DAB2IP: variants seen among roughly 807,000 people sequenced by gnomAD.
The protein encoded by DAB2IP is DAB2 interacting protein.
In DAB2IP, 28 loss-of-function variants were observed where a neutral mutation model predicts 107.2. The ratio of observed to expected loss-of-function variants is 0.26; its 90% CI spans 0.19 to 0.36. DAB2IP has a LOEUF of 0.36. DAB2IP is among the 10% of genes least tolerant of loss of function. DAB2IP has a pLI of 1.00. For missense variants in DAB2IP, 1,400 were observed against 1,644.7 expected (o/e 0.85, Z 2.57); for synonymous variants, 755 against 706.4 (o/e 1.07, Z -1.09).
At position 121,784,186 on chromosome 9, in the gene DAB2IP, C is replaced by T. The variant is rs181336670; in HGVS notation, c.*1688C>T. The T allele has an allele frequency of 2.5e-3, 393 of 155,608 alleles. 1 individual carries two copies. The highest frequency in any genetic ancestry group is 9.1e-3 in the African/African-American group (378 of 41,624). The allele number at this position is 155,608 out of a possible 1,614,324, so 9.6% of individuals were successfully genotyped here. A position where few individuals can be genotyped will look rare whatever the true frequency, so the allele number is the denominator to read the frequency against. Reference sequence around the variant, plus strand: ...GGAAGGGCTGGGCCACCAGGGATCACAGACCACAGGAAGATGGGAGGTGGA... The same window carrying T: ...GGAAGGGCTGGGCCACCAGGGATCATAGACCACAGGAAGATGGGAGGTGGA... On this transcript the variant is annotated 3_prime_UTR_variant, in exon 16 of 16. Coordinates refer to ENST00000408936, the Ensembl canonical transcript of DAB2IP.
intron 11 of DAB2IP, 138 bp downstream of exon 11, chr9:121,770,862 TC>T (rs755761832): frequency 2.8e-5 from 33 of 1,175,626 alleles, no homozygotes; most frequent in Non-Finnish European, 3.7e-5. Context: ...GTTGTACAGG[TC>T]CTAAGTGGTG....
chr9:121,605,871 T>G (rs1247565188), intron 1 of DAB2IP, among the ~76,000 whole-genome samples: 1 of 152,146 alleles, frequency 6.6e-6, no homozygotes, highest in East Asian at 1.9e-4. Flanking sequence ...TTATTGGGAT[T>G]GTGTCGGGGG....
chr9:121,758,864 T>G (rs776418092), intron 4 of DAB2IP, 34 bp from the exon 5 acceptor site: 1 of 1,597,248 alleles, frequency 6.3e-7, no homozygotes, highest in East Asian at 2.2e-5. Flanking sequence ...TGTGGTCCCT[T>G]CCCTCATAAC....
Position 121,684,261 on chromosome 9 carries a change from G to C in DAB2IP, c.228+5480G>C, listed in dbSNP as rs1333627514. On this transcript the variant is annotated intron_variant, in intron 2 of 15. Transcript: ENST00000408936. The surrounding 1 kb of genome is among the most constrained non-coding windows in gnomAD (Gnocchi z 4.0). ...TTCAACCCTTCCCTATACAGAGGAG[G>C]GACTGAGAATCATAGACGGGAGGGT... Among the ~76,000 whole-genome samples, 1 of 152,100 alleles carries C rather than the reference G, an allele frequency of 6.6e-6. No individual in the cohort carries two copies. Among genetic ancestry groups the C allele is most frequent in the Admixed American group, 6.5e-5 (1 of 15,284 alleles).
chr9:121,773,221 A>T (rs1045881371), exon 12 of DAB2IP: 2 of 1,563,132 alleles, frequency 1.3e-6, no homozygotes, highest in African/African-American at 1.4e-5. Flanking sequence ...TCACTGACTG[A>T]AAAAGGCGGG....
At chr9:121,598,183 A>C (rs1830567852) in intron 1 of DAB2IP, 1 of 152,318 alleles carries the variant, frequency 6.6e-6, no homozygotes, top group Non-Finnish European at 1.5e-5. Flanking sequence ...TCCCGCCTCG[A>C]GAGGCAGGAA....
intron 10 of DAB2IP, 70 bp downstream of exon 10, chr9:121,768,703 A>G: frequency 5.0e-6 from 8 of 1,585,756 alleles, no homozygotes; most frequent in Non-Finnish European, 6.9e-6. Flanking sequence ...CCCCTTCCAG[A>G]GTAACCATGG....
At chr9:121,765,523 G>A (rs1051532885) in intron 8 of DAB2IP, among the ~76,000 whole-genome samples, 5 of 152,246 alleles carry the variant, frequency 3.3e-5, no homozygotes, top group Non-Finnish European at 5.9e-5. Context: ...CAAGCCTGTT[G>A]TAGCCTTGGG....
intron 3 of DAB2IP, among the ~76,000 whole-genome samples, chr9:121,725,146 GGTGA>G (rs1831161147): frequency 6.6e-6 from 1 of 152,154 alleles, no homozygotes; most frequent in Non-Finnish European, 1.5e-5. Context: ...AGAAACACAT[GGTGA>G]GTGAGTGTGT....
At position 121,760,333 on chromosome 9, in the gene DAB2IP, A is replaced by G. The variant is rs1359923364; in HGVS notation, c.1064A>G (p.His355Arg). The change falls in exon 6 of 16, where the codon CAC becomes CGC. Residue 355 changes from histidine (H) to arginine (R), a missense_variant. His to Arg is a conservative substitution (Grantham distance 29, BLOSUM62 0). Transcript: ENST00000408936. The surrounding 1 kb of genome is among the most constrained non-coding windows in gnomAD (Gnocchi z 5.9). The stretch of plus-strand genomic sequence containing the variant: ...GAGTTCGCTGAGCACATCACCAACC[A>G]CTACCTGGGGCTGTGTGCAGCCCTC... 1.9e-6 allele frequency: 3 copies of G among 1,613,312 alleles called. No homozygotes were observed. The highest frequency in any genetic ancestry group is 1.7e-6 in the Non-Finnish European group (2 of 1,180,006).
intron 2 of DAB2IP, among the ~76,000 whole-genome samples, chr9:121,697,879 AT>A (rs1319832434): frequency 1.3e-5 from 2 of 152,218 alleles, no homozygotes. Context: ...AAGCTCTTGA[AT>A]TAGCCAGGCC....
intron 1 of DAB2IP, among the ~76,000 whole-genome samples, chr9:121,622,376 G>C (rs1030444769): frequency 1.3e-5 from 2 of 152,206 alleles, no homozygotes; most frequent in Non-Finnish European, 2.9e-5. Flanking sequence ...ACAAGAGGGG[G>C]ATCTTGCCTT....
intron 1 of DAB2IP, among the ~76,000 whole-genome samples, chr9:121,587,231 C>T (rs994387388): frequency 4.0e-5 from 6 of 151,874 alleles, no homozygotes; most frequent in Non-Finnish European, 5.9e-5. Flanking sequence ...CCTGGAAGAG[C>T]GGATTTGGGA....
intron 3 of DAB2IP, among the ~76,000 whole-genome samples, chr9:121,712,508 G>T (rs1411074264): frequency 1.3e-5 from 2 of 152,136 alleles, no homozygotes; most frequent in Non-Finnish European, 2.9e-5. Context: ...TGTTAAAGTT[G>T]GAGGTAGCCT....
chr9:121,734,563 C>G (rs568439520), intron 3 of DAB2IP, among the ~76,000 whole-genome samples: 1 of 152,158 alleles, frequency 6.6e-6, no homozygotes, highest in East Asian at 1.9e-4. Context: ...CTTGTTAGCT[C>G]GTGACTCCTT....
chr9:121,612,900 A>C (rs1016194851), intron 1 of DAB2IP, among the ~76,000 whole-genome samples: 1 of 152,110 alleles, frequency 6.6e-6, no homozygotes, highest in Non-Finnish European at 1.5e-5. Flanking sequence ...TCTCCATCGG[A>C]GTCTTGCAGC....
intron 3 of DAB2IP, among the ~76,000 whole-genome samples, chr9:121,738,344 C>G (rs921683701): frequency 6.6e-6 from 1 of 152,226 alleles, no homozygotes; most frequent in Admixed American, 6.5e-5. Flanking sequence ...CTGTCTCTCT[C>G]TCTCTCAGTT....
intron 1 of DAB2IP, among the ~76,000 whole-genome samples, chr9:121,571,218 G>A (rs1040138404): frequency 2.0e-5 from 3 of 152,078 alleles, no homozygotes; most frequent in East Asian, 3.9e-4. Context: ...CTTTATGGAC[G>A]TGTTCATATG....
At chr9:121,666,867 AACACACACAC>A (rs59290421) in intron 1 of DAB2IP, among the ~76,000 whole-genome samples, 1,306 of 128,648 alleles carry the variant, frequency 0.01, 14 homozygotes, top group African/African-American at 0.025. Flanking sequence ...CCCCAGCCCC[AACACACACAC>A]ACACACACAC....
Sources: allele counts gnomAD v4.1 joint callset (sites outside exome capture counted in the v4.1 genomes callset), GRCh38; gene constraint gnomAD v4.1.1; non-coding constraint Gnocchi (gnomAD v3.1); transcripts MANE v1.5; gene names NCBI Gene and HGNC (gene_info 2026-07-23, HGNC 2026-07-21).